The following FAM120B variants were observed in gnomAD, a reference collection of about 807,000 sequenced individuals.
FAM120B encodes family with sequence similarity 120 member B, also known as constitutive coactivator of peroxisome proliferator-activated receptor gamma.
A neutral mutation model predicts 96.3 loss-of-function variants in FAM120B; 83 were observed. The ratio of observed to expected loss-of-function variants is 0.86; its 90% CI spans 0.72 to 1.03. The LOEUF (loss-of-function observed/expected upper bound fraction) is 1.03. Among genes scored for constraint, FAM120B ranks in the 50% least tolerant of loss-of-function variants. FAM120B has a pLI of 0.00. For synonymous variants in FAM120B, 407 were observed against 402.7 expected (o/e 1.01, Z -0.13); for missense variants, 1,027 against 1,121.2 (o/e 0.92, Z 1.20).
chr6:170,335,740 A>G (rs1786378209), intron 4 of FAM120B, among the ~76,000 whole-genome samples: 1 of 152,162 alleles, frequency 6.6e-6, no homozygotes, highest in Admixed American at 6.6e-5. Context: ...TTTAATGATC[A>G]CCATTCTGAC....
intron 1 of FAM120B, among the ~76,000 whole-genome samples, chr6:170,314,311 T>G (rs1210238672): frequency 6.6e-6 from 1 of 152,250 alleles, no homozygotes; most frequent in African/African-American, 2.4e-5. Context: ...AGTCTGTAAC[T>G]TACTGATTCC....
At chr6:170,404,386 AAC>A (rs1778728145) in intron 9 of FAM120B, 162 bp from the exon 10 acceptor site, 1 of 550,400 alleles carries the variant, frequency 1.8e-6, no homozygotes, top group South Asian at 2.7e-5. Context: ...ATAATTATGG[AAC>A]ACAGTTTTAA....
chr6:170,400,713 G>T (rs1778526532), intron 9 of FAM120B, among the ~76,000 whole-genome samples: 1 of 152,230 alleles, frequency 6.6e-6, no homozygotes, highest in South Asian at 2.1e-4. Flanking sequence ...TAATATTTAT[G>T]TCAAACTATT....
At chr6:170,309,729 T>C (rs1335753876) in intron 1 of FAM120B, among the ~76,000 whole-genome samples, 4 of 152,360 alleles carry the variant, frequency 2.6e-5, no homozygotes, top group African/African-American at 9.6e-5. Context: ...CATGGCTAAC[T>C]ATGATAAGAG....
At chr6:170,390,372 G>A (rs1468809832) in intron 7 of FAM120B, among the ~76,000 whole-genome samples, 1 of 152,134 alleles carries the variant, frequency 6.6e-6, no homozygotes, top group African/African-American at 2.4e-5. Context: ...AGAAATGAAA[G>A]GTAAAGTAGC....
intron 5 of FAM120B, among the ~76,000 whole-genome samples, chr6:170,350,978 T>C (rs1357843267): frequency 1.3e-5 from 2 of 152,132 alleles, no homozygotes; most frequent in East Asian, 3.9e-4. Context: ...AGAAGGTGGG[T>C]AATAATGAAC....
At chr6:170,296,808 A>G (rs553562948) in intron 1 of FAM120B, among the ~76,000 whole-genome samples, 1 of 151,862 alleles carries the variant, frequency 6.6e-6, no homozygotes, top group Admixed American at 6.5e-5. Context: ...TGCGGCCGCC[A>G]CCCTCCGCCT....
chr6:170,354,610 C>G (rs554173444), intron 5 of FAM120B, among the ~76,000 whole-genome samples: 16 of 152,186 alleles, frequency 1.1e-4, no homozygotes, highest in Admixed American at 6.5e-4. Context: ...GGGCAAAAGA[C>G]ATGAACAGAC....
At chr6:170,314,017 G>C (rs1482369446) in intron 1 of FAM120B, among the ~76,000 whole-genome samples, 1 of 152,242 alleles carries the variant, frequency 6.6e-6, no homozygotes, top group Non-Finnish European at 1.5e-5. Flanking sequence ...TGAGCGCATT[G>C]CTCTTAACCT....
At chr6:170,361,220 A>ATATATATACGTATATATATATATATGTG (rs1788395054) in intron 6 of FAM120B, among the ~76,000 whole-genome samples, 2 of 110,022 alleles carry the variant, frequency 1.8e-5, no homozygotes, top group African/African-American at 8.1e-5. Context: ...ATATATATAT[A>ATATATATACGTATATATATATATATGTG]TATATATATA....
intron 2 of FAM120B, among the ~76,000 whole-genome samples, chr6:170,320,079 C>T (rs1323147072): frequency 3.3e-5 from 5 of 152,212 alleles, no homozygotes; most frequent in South Asian, 2.1e-4. Context: ...CAGAAGAGGT[C>T]TGTGTCCACA....
intron 6 of FAM120B, among the ~76,000 whole-genome samples, chr6:170,376,802 G>A (rs6918411): frequency 0.017 from 2,517 of 152,322 alleles, 72 homozygotes; most frequent in African/African-American, 0.054. Flanking sequence ...CGCCTGCTTG[G>A]TAAGAAATAG....
intron 5 of FAM120B, among the ~76,000 whole-genome samples, chr6:170,353,579 A>T (rs1239076185): frequency 1.3e-5 from 2 of 151,576 alleles, no homozygotes; most frequent in Non-Finnish European, 3.0e-5. Flanking sequence ...ATCCGTGGGA[A>T]CTAACTTCAG....
At chr6:170,371,098 C>A (rs540096049) in intron 6 of FAM120B, among the ~76,000 whole-genome samples, 1 of 152,214 alleles carries the variant, frequency 6.6e-6, no homozygotes, top group South Asian at 2.1e-4. Flanking sequence ...ACCTTTTTGT[C>A]ACCTCAAAAA....
chr6:170,345,510 G>C (rs1050014835), intron 4 of FAM120B, among the ~76,000 whole-genome samples: 1 of 152,236 alleles, frequency 6.6e-6, no homozygotes, highest in African/African-American at 2.4e-5. Flanking sequence ...TCTCCTGCAA[G>C]CTCTTCCAAG....
At chr6:170,305,026 T>C (rs1243578848), upstream of FAM120B, among the ~76,000 whole-genome samples, 1 of 152,044 alleles carries the variant, frequency 6.6e-6, no homozygotes, top group Non-Finnish European at 1.5e-5. Flanking sequence ...CCTCACACGG[T>C]GGAAAGTGGG....
chr6:170,392,034 A>G (rs1357223246), intron 8 of FAM120B, among the ~76,000 whole-genome samples: 1 of 152,106 alleles, frequency 6.6e-6, no homozygotes, highest in Non-Finnish European at 1.5e-5. Flanking sequence ...CATTACTCCT[A>G]ATGCTTGTAT....
intron 6 of FAM120B, among the ~76,000 whole-genome samples, chr6:170,386,594 A>C (rs1377264183): frequency 6.6e-6 from 1 of 152,244 alleles, no homozygotes; most frequent in African/African-American, 2.4e-5. Flanking sequence ...TACTGAAGAC[A>C]TTGAATCTGA....
intron 3 of FAM120B, among the ~76,000 whole-genome samples, chr6:170,325,165 G>C (rs1313151352): frequency 1.3e-5 from 2 of 152,184 alleles, no homozygotes; most frequent in African/African-American, 2.4e-5. Flanking sequence ...TTTAACAGGA[G>C]AGTTCACTTT....
Sources: allele counts gnomAD v4.1 joint callset (sites outside exome capture counted in the v4.1 genomes callset), GRCh38; gene constraint gnomAD v4.1.1; transcripts MANE v1.5; gene names NCBI Gene and HGNC (gene_info 2026-07-23, HGNC 2026-07-21).